The following PDE10A variants were observed in gnomAD, a reference collection of about 807,000 sequenced individuals.
The protein encoded by PDE10A is cAMP and cAMP-inhibited cGMP 3',5'-cyclic phosphodiesterase 10A.
PDE10A carries 39 observed loss-of-function variants against 97.7 expected under a neutral mutation model. The ratio of observed to expected loss-of-function variants is 0.40; its 90% CI spans 0.31 to 0.52. The LOEUF is 0.52. PDE10A is among the 20% of genes least tolerant of loss of function. The pLI is 0.56. For synonymous variants in PDE10A, 371 were observed against 376.8 expected (o/e 0.98, Z 0.18); for missense variants, 731 against 1,047.8 (o/e 0.70, Z 4.17).
chr6:165,662,892 C>T lies in PDE10A; in HGVS notation c.-81G>A, dbSNP rs1177862799. 6.6e-6 allele frequency among the ~76,000 whole-genome samples: 1 copy of T among 151,008 alleles called. No individual in the cohort carries two copies. Among genetic ancestry groups the T allele is most frequent in the South Asian group, 2.1e-4 (1 of 4,808 alleles). On this transcript the variant is annotated 5_prime_UTR_variant, in exon 1 of 22. Coordinates refer to ENST00000539869, the MANE Select transcript of PDE10A (RefSeq NM_001385079.1). The stretch of plus-strand genomic sequence containing the variant: ...CGGGGCTCGGTGGGCTCCGCCCCCG[C>T]AGGACCTGCCCACCCCTGCCGGCCG...
intron 1 of PDE10A, among the ~76,000 whole-genome samples, chr6:165,651,081 C>T (rs1789664545): frequency 6.6e-6 from 1 of 152,196 alleles, no homozygotes; most frequent in African/African-American, 2.4e-5. Context: ...TTGCCTTCCT[C>T]GGTAGCTACA....
chr6:165,484,162 T>C (rs1019609581), intron 2 of PDE10A, among the ~76,000 whole-genome samples: 1 of 152,252 alleles, frequency 6.6e-6, no homozygotes, highest in African/African-American at 2.4e-5. Flanking sequence ...TAAGGGAACA[T>C]TGCCTCCTAT....
chr6:165,384,037 G>A, intron 17 of PDE10A, among the ~76,000 whole-genome samples: 1 of 152,132 alleles, frequency 6.6e-6, no homozygotes. Context: ...ACTCATGAAA[G>A]ACTTGTATAT....
At chr6:165,465,080 C>A (rs1181468938) in intron 3 of PDE10A, among the ~76,000 whole-genome samples, 1 of 152,132 alleles carries the variant, frequency 6.6e-6, no homozygotes, top group African/African-American at 2.4e-5. Flanking sequence ...CAAGAAGTTA[C>A]CCCCCTTTTT....
At chr6:165,493,484 T>C (rs984556741) in intron 2 of PDE10A, among the ~76,000 whole-genome samples, 3 of 152,050 alleles carry the variant, frequency 2.0e-5, no homozygotes, top group Non-Finnish European at 4.4e-5. Flanking sequence ...GGTATAAAAA[T>C]AGGCATATAG....
chr6:165,888,503 G>A (rs1380308930), intron 1 of PDE10A, among the ~76,000 whole-genome samples: 1 of 151,896 alleles, frequency 6.6e-6, no homozygotes, highest in Admixed American at 6.6e-5. Context: ...CCAGGATGGT[G>A]TCGATCTCCT....
chr6:165,410,843 C>G, intron 13 of PDE10A, among the ~76,000 whole-genome samples: 1 of 149,992 alleles, frequency 6.7e-6, no homozygotes. Context: ...AATCCCAGCA[C>G]TTTGGGAGGC....
At chr6:165,341,553 C>A (rs1044305530) in intron 19 of PDE10A, among the ~76,000 whole-genome samples, 3 of 152,192 alleles carry the variant, frequency 2.0e-5, no homozygotes, top group Admixed American at 2.0e-4. Flanking sequence ...GTTGTCATAG[C>A]TGCAGTGATG....
intron 1 of PDE10A, among the ~76,000 whole-genome samples, chr6:165,648,529 C>T (rs975023266): frequency 6.6e-6 from 1 of 152,170 alleles, no homozygotes; most frequent in African/African-American, 2.4e-5. Context: ...AGGTCACCCC[C>T]AAACCTACTA....
intron 1 of PDE10A, among the ~76,000 whole-genome samples, chr6:165,706,126 C>T (rs1490421912): frequency 6.6e-6 from 1 of 152,184 alleles, no homozygotes; most frequent in Admixed American, 6.5e-5. Flanking sequence ...TCCAGAAATG[C>T]ACATTCCAGG....
chr6:165,877,947 C>T (rs372588061), intron 1 of PDE10A, among the ~76,000 whole-genome samples: 4 of 152,120 alleles, frequency 2.6e-5, no homozygotes, highest in Non-Finnish European at 4.4e-5. Flanking sequence ...GAGTAAGTGA[C>T]GGAGCCTGGA....
chr6:165,591,403 TG>T (rs1786260853), intron 1 of PDE10A, among the ~76,000 whole-genome samples: 1 of 152,246 alleles, frequency 6.6e-6, no homozygotes. Flanking sequence ...GTATAGTTGG[TG>T]TCAATAAATA....
intron 2 of PDE10A, among the ~76,000 whole-genome samples, chr6:165,527,115 T>C (rs992698680): frequency 1.3e-5 from 2 of 152,200 alleles, no homozygotes; most frequent in Non-Finnish European, 2.9e-5. Flanking sequence ...AGGGGTCCAG[T>C]GGTCTGGGGC....
At chr6:165,411,458 A>G (rs1308453982) in intron 13 of PDE10A, among the ~76,000 whole-genome samples, 1 of 152,214 alleles carries the variant, frequency 6.6e-6, no homozygotes, top group Non-Finnish European at 1.5e-5. Context: ...ATGTGAGGAC[A>G]CAGGGAGAAG....
At position 165,332,950 on chromosome 6, in the gene PDE10A, C is replaced by CAAAAAAAAGA; in HGVS notation, c.*74_*75insTCTTTTTTTT. 1 of 665,216 alleles carries CAAAAAAAAGA rather than the reference C, an allele frequency of 1.5e-6. No homozygotes were observed. Among genetic ancestry groups the CAAAAAAAAGA allele is most frequent in the Admixed American group, 2.0e-5 (1 of 48,954 alleles). 41.2% of individuals were successfully genotyped at this position (665,216 alleles called of 1,614,324 possible). ...AGGTGCAGGTTCCCCCCACCCCCCCCAAAAAAAGGAAAAGAATGTCAAAGA... is the reference window on the plus strand; with the variant it reads ...AGGTGCAGGTTCCCCCCACCCCCCCCAAAAAAAAGAAAAAAAAGGAAAAGAATGTCAAAGA... On this transcript the variant is annotated 3_prime_UTR_variant, in exon 22 of 22. Transcript: ENST00000539869.
chr6:165,595,166 A>G (rs1786512694), intron 1 of PDE10A, among the ~76,000 whole-genome samples: 1 of 152,168 alleles, frequency 6.6e-6, no homozygotes, highest in African/African-American at 2.4e-5. Context: ...AGCCCTAGCC[A>G]GCTGCAGGGG....
At chr6:165,408,894 G>A (rs1333514584) in intron 13 of PDE10A, among the ~76,000 whole-genome samples, 1 of 152,082 alleles carries the variant, frequency 6.6e-6, no homozygotes, top group Non-Finnish European at 1.5e-5. Flanking sequence ...GGCAGGGCGC[G>A]GTGGCTCACA....
rs868688280 is a variant in PDE10A at position 165,384,687 on chromosome 6, A to G, written c.2610+3611T>C. On this transcript the variant is annotated intron_variant, in intron 17 of 21. Coordinates refer to ENST00000539869, the MANE Select transcript of PDE10A (RefSeq NM_001385079.1). ...GTGTGTGTATGGGGGGGGGCGACTA[A>G]AGGTTAGCTTTTCAAGTCTATTGTA... Among the ~76,000 whole-genome samples the G allele has an allele frequency of 1.3e-4, 17 of 135,222 alleles. 1 individual carries two copies. In the Middle Eastern group the frequency reaches 0.016, roughly 127 times the overall value. 88.7% of individuals were successfully genotyped at this position (135,222 alleles called of 152,430 possible).
chr6:165,688,446 T>C (rs1791183320), intron 1 of PDE10A, among the ~76,000 whole-genome samples: 1 of 152,144 alleles, frequency 6.6e-6, no homozygotes, highest in Non-Finnish European at 1.5e-5. Flanking sequence ...AGCCTCAGGG[T>C]ATGTAGTGGG....
Sources: allele counts gnomAD v4.1 joint callset (sites outside exome capture counted in the v4.1 genomes callset), GRCh38; gene constraint gnomAD v4.1.1; transcripts MANE v1.5; gene names NCBI Gene and HGNC (gene_info 2026-07-23, HGNC 2026-07-21).